Variants in CCNY observed in about 807,000 individuals in gnomAD.
The protein encoded by CCNY is cyclin-Y.
CCNY carries 19 observed loss-of-function variants against 42.8 expected under a neutral mutation model. The ratio of observed to expected loss-of-function variants is 0.44; its 90% CI spans 0.31 to 0.65. The LOEUF is 0.65. Ranked by LOEUF, CCNY falls within the 30% of genes least tolerant of loss-of-function variation. The pLI is 0.07. For missense variants in CCNY, 370 were observed against 437.3 expected (o/e 0.85, Z 1.37); for synonymous variants, 165 against 162.7 (o/e 1.01, Z -0.11).
intron 1 of CCNY, among the ~76,000 whole-genome samples, chr10:35,348,371 A>C (rs1006921632): frequency 1.3e-5 from 2 of 152,238 alleles, no homozygotes; most frequent in Non-Finnish European, 2.9e-5. Context: ...ATAACCACGG[A>C]GGGGTCCATC....
At chr10:35,415,992 C>CT (rs1449843263) in intron 1 of CCNY, among the ~76,000 whole-genome samples, 1 of 152,230 alleles carries the variant, frequency 6.6e-6, no homozygotes, top group Non-Finnish European at 1.5e-5. Context: ...AAATTAGTTG[C>CT]TCTTTTTTCC....
chr10:35,253,534 T>C (rs60553075), intron 3 of CCNY, among the ~76,000 whole-genome samples: 1 of 147,996 alleles, frequency 6.8e-6, no homozygotes, highest in Non-Finnish European at 1.5e-5. Flanking sequence ...CACCTTGACC[T>C]CCTAAAGCAT....
intron 3 of CCNY, among the ~76,000 whole-genome samples, chr10:35,297,559 T>A (rs535758743): frequency 6.6e-6 from 1 of 152,308 alleles, no homozygotes; most frequent in South Asian, 2.1e-4. Context: ...AAACTATCCC[T>A]GTTTACAGAT....
chr10:35,281,361 C>T (rs747065471), intron 3 of CCNY, among the ~76,000 whole-genome samples: 27 of 151,898 alleles, frequency 1.8e-4, no homozygotes, highest in Admixed American at 5.9e-4. Context: ...TGCAGTGGTG[C>T]GATCTCAGCT....
chr10:35,549,726 C>T (rs1307710274), intron 7 of CCNY, among the ~76,000 whole-genome samples: 4 of 138,472 alleles, frequency 2.9e-5, no homozygotes, highest in South Asian at 2.4e-4. Context: ...TGTGACCCTG[C>T]GCTGCTCATG....
At chr10:35,262,124 T>C (rs561334280) in intron 3 of CCNY, among the ~76,000 whole-genome samples, 108 of 151,666 alleles carry the variant, frequency 7.1e-4, no homozygotes, top group Middle Eastern at 3.4e-3. Flanking sequence ...TACCTGGGCA[T>C]GGTGGTGCAT....
Position 35,330,757 on chromosome 10 carries a change from T to TC in CCNY, c.-9+80131_-9+80132insC, listed in dbSNP as rs1491509054. On this transcript the variant is annotated intron_variant, in intron 3 of 11. Coordinates refer to the CCNY transcript ENST00000374706. The stretch of plus-strand genomic sequence containing the variant: ...AGAAGCAGAGAAGAGGCAGCTTTTA[T>TC]TTTTTTTTTTTTTTTGAGATGGAGG... Among the ~76,000 whole-genome samples, 6 of 64,086 alleles carry TC rather than the reference T, an allele frequency of 9.4e-5. No homozygotes were observed. In the South Asian group the frequency reaches 2.3e-3, roughly 25 times the overall value. 42.0% of individuals were successfully genotyped at this position (64,086 alleles called of 152,430 possible).
intron 1 of CCNY, among the ~76,000 whole-genome samples, chr10:35,341,701 A>G (rs1213141589): frequency 6.6e-6 from 1 of 152,224 alleles, no homozygotes; most frequent in Non-Finnish European, 1.5e-5. Context: ...AGGACTTGTA[A>G]TAATGAAAGT....
At chr10:35,487,774 A>C (rs371142112) in intron 2 of CCNY, among the ~76,000 whole-genome samples, 4 of 152,288 alleles carry the variant, frequency 2.6e-5, no homozygotes, top group East Asian at 3.9e-4. Context: ...AGAGGATGAC[A>C]TTGCAGACTT....
rs118050184 is a variant in CCNY at position 35,324,719 on chromosome 10, T to G, written c.-9+74093T>G. On this transcript the variant is annotated intron_variant, in intron 3 of 11. Transcript: ENST00000374706. ...AAAATCCAAAAGACCAATAAGGAAT[T>G]TTTTTTAATTATAGAGTGCTGCTTT... Among the ~76,000 whole-genome samples, 45 of 152,348 alleles carry G rather than the reference T, an allele frequency of 3.0e-4. No individual in the cohort carries two copies. The East Asian group carries it at 8.1e-3, about 27-fold the overall frequency.
chr10:35,474,886 T>G (rs1161806746), intron 1 of CCNY, among the ~76,000 whole-genome samples: 27 of 152,024 alleles, frequency 1.8e-4, no homozygotes, highest in Admixed American at 1.7e-3. Flanking sequence ...AGCAAAGAAG[T>G]TGAAAACTTT....
chr10:35,266,249 CTTT>C (rs773886027), intron 3 of CCNY, among the ~76,000 whole-genome samples: 1 of 110,130 alleles, frequency 9.1e-6, no homozygotes, highest in African/African-American at 3.4e-5. Context: ...GGCTAATTTC[CTTT>C]TTTTTTTTTT....
intron 3 of CCNY, among the ~76,000 whole-genome samples, chr10:35,251,615 A>G (rs888534460): frequency 9.8e-5 from 14 of 142,632 alleles, no homozygotes; most frequent in African/African-American, 3.7e-4. Flanking sequence ...TTGAGACGGG[A>G]TCTCGCTCTG....
At chr10:35,324,911 T>C (rs1835861900) in intron 3 of CCNY, among the ~76,000 whole-genome samples, 2 of 152,224 alleles carry the variant, frequency 1.3e-5, no homozygotes, top group East Asian at 1.9e-4. Context: ...TGCACACTTA[T>C]ATATAGGCAG....
intron 1 of CCNY, among the ~76,000 whole-genome samples, chr10:35,379,811 A>G (rs147777987): frequency 6.6e-6 from 1 of 152,080 alleles, no homozygotes; most frequent in East Asian, 1.9e-4. Flanking sequence ...CTTTCCTTTT[A>G]CCCTGAGAGT....
At chr10:35,316,572 C>A (rs894704019) in intron 3 of CCNY, among the ~76,000 whole-genome samples, 6 of 152,030 alleles carry the variant, frequency 3.9e-5, no homozygotes, top group African/African-American at 1.2e-4. Flanking sequence ...GGTGTAATCT[C>A]TTTTTTAAAA....
chr10:35,394,713 G>A (rs1467382291), intron 1 of CCNY: 1 of 275,906 alleles, frequency 3.6e-6, no homozygotes, highest in Non-Finnish European at 5.5e-6. Context: ...GTGCCTTTTA[G>A]TTCAAGATTT....
intron 2 of CCNY, among the ~76,000 whole-genome samples, chr10:35,500,091 T>G (rs1433629633): frequency 1.3e-5 from 2 of 152,224 alleles, no homozygotes; most frequent in Non-Finnish European, 2.9e-5. Flanking sequence ...CAGACCAGTT[T>G]GTTGCTGCTG....
chr10:35,546,227 C>T (rs2135441754), intron 7 of CCNY, among the ~76,000 whole-genome samples: 1 of 152,320 alleles, frequency 6.6e-6, no homozygotes, highest in East Asian at 1.9e-4. Context: ...ATTAACCGGC[C>T]TAGTATTACT....
Sources: gnomAD v4.1 joint callset for allele counts (sites outside exome capture counted in the v4.1 genomes callset) on GRCh38, gnomAD v4.1.1 for gene constraint, MANE v1.5 for transcripts, NCBI Gene and HGNC (gene_info 2026-07-23, HGNC 2026-07-21) for gene names.